PPM1H: variants seen among roughly 807,000 people sequenced by gnomAD.
PPM1H encodes protein phosphatase 1H.
A neutral mutation model predicts 54.9 loss-of-function variants in PPM1H; 27 were observed. That is an observed-to-expected ratio of 0.49 (90% confidence interval 0.36 to 0.68). The LOEUF is 0.68. Ranked by LOEUF, PPM1H falls within the 30% of genes least tolerant of loss-of-function variation. The pLI, the probability that PPM1H is intolerant of heterozygous loss-of-function variation, is 0.00. For synonymous variants in PPM1H, 305 were observed against 270.8 expected, an observed-to-expected ratio of 1.13 and a Z score of -1.24; for missense variants, 596 against 667.8, an observed-to-expected ratio of 0.89 and a Z score of 1.19.
At chr12:62,850,792 C>T (rs994610070) in intron 1 of PPM1H, 1 of 151,398 alleles carries the variant, frequency 6.6e-6, no homozygotes, top group Non-Finnish European at 1.5e-5. Flanking sequence ...AGTCGAGTTT[C>T]GCACTTTTGG....
At chr12:62,809,661 A>G (rs2076823870) in intron 2 of PPM1H, among the ~76,000 whole-genome samples, 1 of 152,182 alleles carries the variant, frequency 6.6e-6, no homozygotes, top group Non-Finnish European at 1.5e-5. Context: ...TTCACTGCAA[A>G]TACACATGTA....
rs549298528 is a variant in PPM1H at position 62,888,732 on chromosome 12, G to T, written c.245+45760C>A. Among the ~76,000 whole-genome samples, 47 of 152,258 alleles carry T rather than the reference G, an allele frequency of 3.1e-4. 2 individuals are homozygous for T. In the South Asian group the frequency reaches 9.7e-3, roughly 32 times the overall value. ...GAAGTCTGGATAAGGGTCGGGGAGA[G>T]GAGAGAATGGAATATAAGGTAAAAC... is the stretch of plus-strand genomic sequence containing the variant. On this transcript the variant is annotated intron_variant, in intron 1 of 9. Transcript: ENST00000228705.
intron 9 of PPM1H, among the ~76,000 whole-genome samples, chr12:62,663,988 A>G (rs952934391): frequency 5.2e-5 from 3 of 58,196 alleles, no homozygotes; most frequent in Admixed American, 1.8e-4. Context: ...GCGAAACTCC[A>G]TCTCAAAAAA....
chr12:62,920,915 AATTAATTT>A (rs991423819), intron 1 of PPM1H, among the ~76,000 whole-genome samples: 20 of 151,088 alleles, frequency 1.3e-4, no homozygotes, highest in African/African-American at 4.6e-4. Context: ...TTATGTAATT[AATTAATTT>A]ATTTATTTAT....
chr12:62,737,497 C>T lies in PPM1H; in HGVS notation c.954+5G>A. ...TGCCCTCTGCCAAGCCTAGATGACT[C>T]TTACCAGGTACTGAAGTCGCTGGCG... On this transcript the variant is annotated splice_donor_5th_base_variant and intron_variant, in intron 5 of 9. Transcript: ENST00000228705. 6.4e-7 allele frequency: 1 copy of T among 1,551,528 alleles called. No homozygotes were observed. The highest frequency in any genetic ancestry group is 8.8e-7 in the Non-Finnish European group (1 of 1,139,824).
chr12:62,657,868 C>A (rs71465162), intron 9 of PPM1H, among the ~76,000 whole-genome samples: 1 of 152,140 alleles, frequency 6.6e-6, no homozygotes, highest in African/African-American at 2.4e-5. Flanking sequence ...ACACAGCTAT[C>A]TGAGCCAAGG....
chr12:62,706,512 G>A (rs1324759607), intron 6 of PPM1H, among the ~76,000 whole-genome samples: 1 of 152,168 alleles, frequency 6.6e-6, no homozygotes, highest in East Asian at 1.9e-4. Context: ...ATACCCCAAT[G>A]TTTATTATGC....
chr12:62,658,997 T>C, intron 9 of PPM1H: 1 of 722,036 alleles, frequency 1.4e-6, no homozygotes. Context: ...CAACATTGGT[T>C]ATGGGAGCAA....
At chr12:62,826,645 C>T (rs980405315) in intron 2 of PPM1H, among the ~76,000 whole-genome samples, 1 of 152,144 alleles carries the variant, frequency 6.6e-6, no homozygotes, top group East Asian at 1.9e-4. Flanking sequence ...TTTTCTTTAA[C>T]CTCCAAGGAA....
In PPM1H at chr12:62,865,908, G is replaced by A. The variant is rs41380144; in HGVS notation, c.246-33629C>T. 5.1e-3 allele frequency among the ~76,000 whole-genome samples: 784 copies of A among 152,314 alleles called. 7 individuals carry two copies. Among genetic ancestry groups the A allele is most frequent in the South Asian group, 0.033 (157 of 4,822 alleles). The stretch of plus-strand genomic sequence containing the variant: ...TAAACACCCAAATTGTTCTTGACCA[G>A]TAGTAACCACTTAATGCATAAGTAG... On this transcript the variant is annotated intron_variant, in intron 1 of 9. Transcript: ENST00000228705.
chr12:62,756,090 G>A (rs901037201), intron 4 of PPM1H: 42 of 991,472 alleles, frequency 4.2e-5, no homozygotes, highest in Admixed American at 6.8e-5. Flanking sequence ...TTTTAACAGC[G>A]ACATCCACTC....
chr12:62,783,307 C>T (rs1359432647), intron 4 of PPM1H, among the ~76,000 whole-genome samples: 1 of 152,234 alleles, frequency 6.6e-6, no homozygotes, highest in East Asian at 1.9e-4. Context: ...CAGCCTTCCA[C>T]TCCCTCCATA....
chr12:62,680,331 C>A (rs1341872618), intron 8 of PPM1H, among the ~76,000 whole-genome samples: 1 of 136,900 alleles, frequency 7.3e-6, no homozygotes, highest in African/African-American at 2.7e-5. Flanking sequence ...CTCTCTCTTT[C>A]TTTCTGTTTC....
intron 2 of PPM1H, among the ~76,000 whole-genome samples, chr12:62,828,303 C>G (rs531844121): frequency 6.6e-6 from 1 of 152,176 alleles, no homozygotes; most frequent in South Asian, 2.1e-4. Context: ...ACTTTTCTGA[C>G]AACATTTCCT....
chr12:62,766,744 C>G (rs1393915587), intron 4 of PPM1H, among the ~76,000 whole-genome samples: 1 of 152,178 alleles, frequency 6.6e-6, no homozygotes, highest in African/African-American at 2.4e-5. Context: ...GCAATCTTCT[C>G]CAGTGGAGGC....
chr12:62,701,371 C>T (rs1179729144), intron 6 of PPM1H, among the ~76,000 whole-genome samples: 1 of 152,170 alleles, frequency 6.6e-6, no homozygotes, highest in African/African-American at 2.4e-5. Flanking sequence ...ACACCGAAGC[C>T]CTTTTACCCT....
At chr12:62,657,541 A>G (rs947804319) in intron 9 of PPM1H, among the ~76,000 whole-genome samples, 5 of 152,180 alleles carry the variant, frequency 3.3e-5, no homozygotes, top group Non-Finnish European at 5.9e-5. Flanking sequence ...AGAAAACTGC[A>G]GATTTTTATC....
chr12:62,916,313 A>G (rs1235214119), intron 1 of PPM1H, among the ~76,000 whole-genome samples: 1 of 152,220 alleles, frequency 6.6e-6, no homozygotes, highest in Non-Finnish European at 1.5e-5. Flanking sequence ...ATTGTTGATC[A>G]TACATCATCT....
intron 2 of PPM1H, 109 bp from the exon 3 acceptor site, chr12:62,802,269 G>A (rs762079681): frequency 2.5e-5 from 21 of 829,886 alleles, no homozygotes; most frequent in Admixed American, 7.0e-5. Context: ...GTTGTCTGTC[G>A]TCTGCAAACA....
Sources: gnomAD v4.1 joint callset for allele counts (sites outside exome capture counted in the v4.1 genomes callset) on GRCh38, gnomAD v4.1.1 for gene constraint, MANE v1.5 for transcripts, NCBI Gene and HGNC (gene_info 2026-07-23, HGNC 2026-07-21) for gene names.